CELF4: variants seen among roughly 807,000 people sequenced by gnomAD.
CELF4 encodes CUGBP Elav-like family member 4.
Under a neutral mutation model 59.9 loss-of-function variants are expected in CELF4, and 18 were observed. The observed-to-expected ratio is 0.30, with a 90% CI of 0.21 to 0.45. The LOEUF is 0.45. Among genes scored for constraint, CELF4 ranks in the 20% least tolerant of loss-of-function variants. The pLI, the probability that CELF4 is intolerant of heterozygous loss-of-function variation, is 1.00. For synonymous variants in CELF4, 261 were observed against 267.1 expected, an observed-to-expected ratio of 0.98 and a Z score of 0.22; for missense variants, 456 against 689.0, an observed-to-expected ratio of 0.66 and a Z score of 3.79.
intron 1 of CELF4, among the ~76,000 whole-genome samples, chr18:37,520,918 G>A (rs910953922): frequency 6.6e-6 from 1 of 152,130 alleles, no homozygotes. Context: ...GGTTTTCCTG[G>A]CACTTCTGCA....
chr18:37,360,472 G>A (rs1233434002), intron 2 of CELF4, among the ~76,000 whole-genome samples: 2 of 152,222 alleles, frequency 1.3e-5, no homozygotes. Context: ...ACACGAGTGA[G>A]CACTTACTGT....
At chr18:37,388,075 C>T (rs148661298) in intron 2 of CELF4, among the ~76,000 whole-genome samples, 1 of 152,044 alleles carries the variant, frequency 6.6e-6, no homozygotes, top group Non-Finnish European at 1.5e-5. Context: ...GGGGAGGGTA[C>T]TGTACAGCGC....
chr18:37,512,954 G>A (rs1352610176), intron 1 of CELF4, among the ~76,000 whole-genome samples: 2 of 152,158 alleles, frequency 1.3e-5, no homozygotes, highest in Non-Finnish European at 2.9e-5. Context: ...GCCCATGGAT[G>A]ACAGCAGAGA....
Position 37,540,005 on chromosome 18 carries a change from G to C in CELF4, c.286+25351C>G, listed in dbSNP as rs114858312. Among the ~76,000 whole-genome samples, 527 of 152,312 alleles carry C rather than the reference G, an allele frequency of 3.5e-3. 2 individuals are homozygous for C. Among genetic ancestry groups the C allele is most frequent in the African/African-American group, 0.012 (494 of 41,560 alleles). ...ATTATAACAGTGCATATGCATTGAT[G>C]TGTGCGTAGCTCTCCCTGTCTCCAC... On this transcript the variant is annotated intron_variant, in intron 1 of 12. Transcript: ENST00000420428.
At chr18:37,339,880 G>A (rs2097928849) in intron 2 of CELF4, among the ~76,000 whole-genome samples, 1 of 152,100 alleles carries the variant, frequency 6.6e-6, no homozygotes, top group South Asian at 2.1e-4. Context: ...AAGGGGAGAG[G>A]GTAGGCGCTG....
Position 37,565,723 on chromosome 18 carries a change from A to G in CELF4, c.-82T>C. On this transcript the variant is annotated 5_prime_UTR_variant, in exon 1 of 13. Coordinates refer to ENST00000420428, the MANE Select transcript of CELF4 (RefSeq NM_020180.4). ...CTCGCTCGCTCGCGCTCACACACGC[A>G]CACGCATACACACACTCGGGTTCTC... 8.8e-7 allele frequency: 1 copy of G among 1,137,318 alleles called. No homozygotes were observed. The highest frequency in any genetic ancestry group is 1.2e-6 in the Non-Finnish European group (1 of 824,866). The allele number at this position is 1,137,318 out of a possible 1,614,324, so 70.5% of individuals were successfully genotyped here.
At chr18:37,358,412 A>G (rs2098640697) in intron 2 of CELF4, among the ~76,000 whole-genome samples, 2 of 152,186 alleles carry the variant, frequency 1.3e-5, no homozygotes, top group South Asian at 4.1e-4. Context: ...TGGAACTGTG[A>G]GTGCTCCATT....
chr18:37,403,736 C>T (rs773084542), intron 2 of CELF4, among the ~76,000 whole-genome samples: 30 of 152,214 alleles, frequency 2.0e-4, no homozygotes, highest in Admixed American at 8.5e-4. Context: ...GTGAGTGATA[C>T]GTGTCGGAGT....
intron 1 of CELF4, among the ~76,000 whole-genome samples, chr18:37,517,635 T>A (rs1325645690): frequency 6.6e-6 from 1 of 152,216 alleles, no homozygotes; most frequent in African/African-American, 2.4e-5. Flanking sequence ...AGGGCATGGC[T>A]CATCAGCGTG....
chr18:37,507,093 C>T lies in CELF4; in HGVS notation c.287-21486G>A, dbSNP rs146720630. ...TGACCCAGGGCTCTCTCTCTGTCCC[C>T]TGCTGCTTCTTGCCTTCCCTACCCT... On this transcript the variant is annotated intron_variant, in intron 1 of 12. Transcript: ENST00000420428. Among the ~76,000 whole-genome samples the T allele has an allele frequency of 1.9e-4, 29 of 152,308 alleles. No homozygotes were observed. The East Asian group carries it at 5.6e-3, about 30-fold the overall frequency.
Position 37,243,379 on chromosome 18 carries a change from G to T in CELF4, c.*1863C>A. ...AGAACCCCCGGCCTCCAGATGACCT[G>T]GACATCAATGAGAAGGAATCAAGGC... On this transcript the variant is annotated 3_prime_UTR_variant, in exon 13 of 13. Coordinates refer to ENST00000420428, the MANE Select transcript of CELF4 (RefSeq NM_020180.4). 6.6e-6 allele frequency: 1 copy of T among 152,050 alleles called. No individual in the cohort carries two copies. Among genetic ancestry groups the T allele is most frequent in the Admixed American group, 6.6e-5 (1 of 15,262 alleles). 9.4% of individuals were successfully genotyped at this position (152,050 alleles called of 1,614,324 possible).
chr18:37,458,092 A>C (rs561159745), intron 2 of CELF4, among the ~76,000 whole-genome samples: 1 of 152,314 alleles, frequency 6.6e-6, no homozygotes, highest in Non-Finnish European at 1.5e-5. Context: ...CGAGCATCAA[A>C]GACAGGCCAG....
intron 1 of CELF4, among the ~76,000 whole-genome samples, chr18:37,548,207 T>C (rs2099982056): frequency 6.6e-6 from 1 of 152,120 alleles, no homozygotes; most frequent in South Asian, 2.1e-4. Context: ...AAGAAAACAT[T>C]AGCCAGTAAT....
At chr18:37,248,418 C>T (rs916516903) in intron 12 of CELF4, among the ~76,000 whole-genome samples, 4 of 152,270 alleles carry the variant, frequency 2.6e-5, no homozygotes, top group East Asian at 1.9e-4. Flanking sequence ...CCCATAAAAG[C>T]GCCACATGGA....
intron 1 of CELF4, among the ~76,000 whole-genome samples, chr18:37,560,350 T>C (rs1568360228): frequency 6.6e-6 from 1 of 152,276 alleles, no homozygotes. Context: ...TAACCATCAG[T>C]CTCTTAAATA....
chr18:37,439,498 G>T (rs562738534), intron 2 of CELF4, among the ~76,000 whole-genome samples: 22 of 152,268 alleles, frequency 1.4e-4, no homozygotes, highest in African/African-American at 5.3e-4. Flanking sequence ...CCACAGCCCT[G>T]CTATCAGTGT....
chr18:37,507,780 G>T (rs143830834), intron 1 of CELF4, among the ~76,000 whole-genome samples: 1 of 152,144 alleles, frequency 6.6e-6, no homozygotes, highest in Non-Finnish European at 1.5e-5. Context: ...CAGACACACA[G>T]CCACCTGCTG....
intron 2 of CELF4, among the ~76,000 whole-genome samples, chr18:37,393,061 CGGTGTGTT>C (rs1419627989): frequency 4.6e-4 from 19 of 41,072 alleles, no homozygotes; most frequent in East Asian, 1.9e-3. Flanking sequence ...ACAGGGACTG[CGGTGTGTT>C]AGAGAGACAC....
intron 3 of CELF4, among the ~76,000 whole-genome samples, chr18:37,304,082 A>T (rs767081627): frequency 2.0e-5 from 3 of 152,170 alleles, no homozygotes; most frequent in Non-Finnish European, 4.4e-5. Context: ...AATTTTTTTG[A>T]ACAGACTGGG....
Sources: gnomAD v4.1 joint callset for allele counts (sites outside exome capture counted in the v4.1 genomes callset) on GRCh38, gnomAD v4.1.1 for gene constraint, MANE v1.5 for transcripts, NCBI Gene and HGNC (gene_info 2026-07-23, HGNC 2026-07-21) for gene names.